RNASEH1: variants seen among roughly 807,000 people sequenced by gnomAD.
The protein encoded by RNASEH1 is ribonuclease H1, also known as ribonuclease H type II.
RNASEH1 carries 27 observed loss-of-function variants against 34.6 expected under a neutral mutation model. That is an observed-to-expected ratio of 0.78 (90% CI 0.58 to 1.08). The LOEUF is 1.08. Ranked by LOEUF, RNASEH1 falls within the 50% of genes least tolerant of loss-of-function variation. The probability of loss-of-function intolerance (pLI) is 0.00; values close to 1 mark genes in which losing one functional copy is unlikely to be tolerated. For missense variants in RNASEH1, 349 were observed against 373.6 expected (o/e 0.93, Z 0.54); for synonymous variants, 162 against 138.4 (o/e 1.17, Z -1.20).
At chr2:3,552,594 C>T (rs1466189238) in intron 2 of RNASEH1, among the ~76,000 whole-genome samples, 1 of 115,508 alleles carries the variant, frequency 8.7e-6, no homozygotes, top group African/African-American at 3.3e-5. Flanking sequence ...CCACCACCAC[C>T]CCCTCCCCTC....
intron 7 of RNASEH1, among the ~76,000 whole-genome samples, chr2:3,547,481 ATT>A (rs751838150): frequency 0.025 from 3,482 of 139,542 alleles, 65 homozygotes; most frequent in South Asian, 0.064. Flanking sequence ...AGGCTCACAT[ATT>A]TTTTTTTTTT....
Position 3,557,826 on chromosome 2 carries a change from CT to C in RNASEH1, c.128+306del, listed in dbSNP as rs1023708960. ...GGGGGTTCGTTCTGATTACGTGTCACTTTTTGTTGCACTTTAACTGCAACAA... is the reference window on the plus strand; with the variant it reads ...GGGGGTTCGTTCTGATTACGTGTCACTTTTGTTGCACTTTAACTGCAACAA... On this transcript the variant is annotated intron_variant, in intron 1 of 7. Transcript: ENST00000315212. The C allele has an allele frequency of 1.7e-5, 23 of 1,341,978 alleles. No individual in the cohort carries two copies. The African/African-American group carries it at 2.5e-4, about 15-fold the overall frequency. The allele number at this position is 1,341,978 out of a possible 1,614,324, so 83.1% of individuals were successfully genotyped here.
At chr2:3,537,506 T>C (rs142478048), downstream of RNASEH1, among the ~76,000 whole-genome samples, 3,579 of 152,272 alleles carry the variant, frequency 0.024, 69 homozygotes, top group South Asian at 0.061. Flanking sequence ...GAGAATTGCT[T>C]GAGCCCAGAA....
chr2:3,549,296 G>A (rs1669061655), intron 4 of RNASEH1, among the ~76,000 whole-genome samples, 184 bp from the exon 5 acceptor site: 2 of 152,218 alleles, frequency 1.3e-5, no homozygotes, highest in African/African-American at 4.8e-5. Context: ...GGCACCTTCT[G>A]ACTCTCATGG....
chr2:3,554,194 C>T (rs1046169371), intron 2 of RNASEH1, among the ~76,000 whole-genome samples: 3 of 152,224 alleles, frequency 2.0e-5, no homozygotes, highest in Non-Finnish European at 4.4e-5. Context: ...TTTCCACTGC[C>T]ACATTTTGTT....
rs1668467894 is a variant in RNASEH1, at chr2:3,543,501, A to T, written c.*2284T>A. Among the ~76,000 whole-genome samples, 1 of 152,072 alleles carries T rather than the reference A, an allele frequency of 6.6e-6. No homozygotes were observed. The highest frequency in any genetic ancestry group is 2.1e-4 in the South Asian group (1 of 4,820). On this transcript the variant is annotated 3_prime_UTR_variant, in exon 8 of 8. Coordinates refer to ENST00000315212, the MANE Select transcript of RNASEH1 (RefSeq NM_002936.6). Reference sequence around the variant, plus strand: ...ACACATGTGCACACTTATCAAAAGAAAGCAAGAGCCAAGCTGAAGAGGCTC... The same window carrying T: ...ACACATGTGCACACTTATCAAAAGATAGCAAGAGCCAAGCTGAAGAGGCTC...
rs545048806 is a variant in RNASEH1, at chr2:3,544,615, T to C, written c.*1170A>G. Reference sequence around the variant, plus strand: ...GCACTTGGGAGAGCCTCCTGGGGTATCTGGCAAAGTACTATTTCTTCACCA... The same window carrying C: ...GCACTTGGGAGAGCCTCCTGGGGTACCTGGCAAAGTACTATTTCTTCACCA... On this transcript the variant is annotated 3_prime_UTR_variant, in exon 8 of 8. Coordinates refer to ENST00000315212, the MANE Select transcript of RNASEH1 (RefSeq NM_002936.6). Among the ~76,000 whole-genome samples, 6 of 152,246 alleles carry C rather than the reference T, an allele frequency of 3.9e-5. No individual in the cohort carries two copies. In the East Asian group the frequency reaches 1.2e-3, roughly 29 times the overall value.
rs1000797451 is a variant in RNASEH1 at position 3,558,213 on chromosome 2, C to T, written c.48G>A (p.Leu16=). The T allele has an allele frequency of 6.3e-7, 1 of 1,598,840 alleles. No homozygotes were observed. Among genetic ancestry groups the T allele is most frequent in the Non-Finnish European group, 8.5e-7 (1 of 1,174,988 alleles). Residue 16 remains leucine, a synonymous_variant, in exon 1 of 8, where the codon TTG becomes TTA. Coordinates refer to ENST00000315212, the MANE Select transcript of RNASEH1 (RefSeq NM_002936.6). ...FLAHRVALAA[L]PCRRGSRGFG... ...ACCCGCGAGAGCCGCGGCGGCAGGG[C>T]AAGGCGGCCAAGGCGACTCTGTGGG...
intron 2 of RNASEH1, among the ~76,000 whole-genome samples, chr2:3,554,614 T>C (rs957306971): frequency 3.9e-5 from 6 of 152,136 alleles, no homozygotes; most frequent in Non-Finnish European, 8.8e-5. Context: ...GACTAGGAGG[T>C]CTCTAAAGTT....
At position 3,558,210 on chromosome 2, in the gene RNASEH1, G is replaced by A. The variant is rs142681516; in HGVS notation, c.51C>T (p.Pro17=). Residue 17 remains proline, a synonymous_variant, in exon 1 of 8, where the codon CCC becomes CCT. Transcript: ENST00000315212. ...LAHRVALAAL[P]CRRGSRGFGM... is the part of the protein sequence containing the mutation. Reference sequence around the variant, plus strand: ...CGAACCCGCGAGAGCCGCGGCGGCAGGGCAAGGCGGCCAAGGCGACTCTGT... The same window carrying A: ...CGAACCCGCGAGAGCCGCGGCGGCAAGGCAAGGCGGCCAAGGCGACTCTGT... The A allele has an allele frequency of 3.5e-4, 566 of 1,600,700 alleles. 1 individual carries two copies. The highest frequency in any genetic ancestry group is 4.2e-4 in the Non-Finnish European group (497 of 1,175,608).
At chr2:3,538,897 T>C (rs1668138536), downstream of RNASEH1, among the ~76,000 whole-genome samples, 1 of 152,208 alleles carries the variant, frequency 6.6e-6, no homozygotes, top group Admixed American at 6.5e-5. Context: ...ATATGCACTG[T>C]TGCTAATATC....
At chr2:3,538,357 A>AAATATATAT (rs1668099617), downstream of RNASEH1, among the ~76,000 whole-genome samples, 1 of 151,398 alleles carries the variant, frequency 6.6e-6, no homozygotes, top group South Asian at 2.1e-4. Context: ...CATCTCAAAA[A>AAATATATAT]AATATATATA....
chr2:3,539,934 T>C (rs538333101), downstream of RNASEH1, among the ~76,000 whole-genome samples: 2 of 152,320 alleles, frequency 1.3e-5, no homozygotes, highest in African/African-American at 4.8e-5. Flanking sequence ...AGGAGGGCTT[T>C]TTCTTTCTCG....
At chr2:3,551,903 T>C (rs1002145205) in intron 3 of RNASEH1, among the ~76,000 whole-genome samples, 5 of 152,260 alleles carry the variant, frequency 3.3e-5, no homozygotes, top group African/African-American at 1.2e-4. Flanking sequence ...GGAATACTAG[T>C]ATTTCAAAAG....
chr2:3,532,672 C>A, the RNASEH1 span, among the ~76,000 whole-genome samples: 1 of 152,284 alleles, frequency 6.6e-6, no homozygotes, highest in African/African-American at 2.4e-5. Context: ...AGCAAAAACA[C>A]GGTATCATCA....
rs1040537405 is a variant in RNASEH1, at chr2:3,543,815, T to C, written c.*1970A>G. ...TTTCTGTAGAGACAGGGTGTCACTA[T>C]GTTGCCCAGACTAGTCTCAAACTCC... On this transcript the variant is annotated 3_prime_UTR_variant, in exon 8 of 8. Coordinates refer to ENST00000315212, the MANE Select transcript of RNASEH1 (RefSeq NM_002936.6). Among the ~76,000 whole-genome samples, 3 of 152,132 alleles carry C rather than the reference T, an allele frequency of 2.0e-5. No individual in the cohort carries two copies. Among genetic ancestry groups the C allele is most frequent in the African/African-American group, 7.2e-5 (3 of 41,442 alleles).
At chr2:3,551,521 TATAA>T (rs1572317402) in intron 3 of RNASEH1, among the ~76,000 whole-genome samples, 1 of 152,248 alleles carries the variant, frequency 6.6e-6, no homozygotes, top group East Asian at 1.9e-4. Context: ...AAAACATATC[TATAA>T]ATAATACAGC....
chr2:3,537,101 G>T (rs1452939463), downstream of RNASEH1, among the ~76,000 whole-genome samples: 1 of 152,200 alleles, frequency 6.6e-6, no homozygotes, highest in Non-Finnish European at 1.5e-5. Context: ...TCCTAAATGT[G>T]ATCCCCATCA....
intron 7 of RNASEH1, among the ~76,000 whole-genome samples, chr2:3,547,193 T>A (rs1668837622): frequency 6.6e-6 from 1 of 152,170 alleles, no homozygotes; most frequent in Admixed American, 6.5e-5. Flanking sequence ...GTTTTGTTTT[T>A]CTGAGACAGG....
Sources: gnomAD v4.1 joint callset for allele counts (sites outside exome capture counted in the v4.1 genomes callset) on GRCh38, gnomAD v4.1.1 for gene constraint, MANE v1.5 for transcripts, NCBI Gene and HGNC (gene_info 2026-07-23, HGNC 2026-07-21) for gene names.